The following GPATCH1 variants were observed in gnomAD, a reference collection of about 807,000 sequenced individuals.
The protein encoded by GPATCH1 is G patch domain-containing protein 1.
Under a neutral mutation model 114.9 loss-of-function variants are expected in GPATCH1, and 73 were observed. The ratio of observed to expected loss-of-function variants is 0.64; its 90% CI spans 0.53 to 0.77. The LOEUF is 0.77. Among genes scored for constraint, GPATCH1 ranks in the 30% least tolerant of loss-of-function variants. The probability of loss-of-function intolerance (pLI) is 0.00; values close to 1 mark genes in which losing one functional copy is unlikely to be tolerated. For missense variants in GPATCH1, 1,058 were observed against 1,144.3 expected (o/e 0.92, Z 1.09); for synonymous variants, 391 against 428.4 (o/e 0.91, Z 1.08).
chr19:33,120,091 TAAAA>T (rs1258015401), intron 17 of GPATCH1, among the ~76,000 whole-genome samples: 1 of 138,866 alleles, frequency 7.2e-6, no homozygotes, highest in Non-Finnish European at 1.5e-5. Flanking sequence ...TTTAAATATT[TAAAA>T]TAAATATATT....
rs1208539493 is a variant in GPATCH1 at position 33,096,354 on chromosome 19, CATTTTA to C, written c.763_768del (p.Phe255_Asn256del). On this transcript the variant is annotated inframe_deletion, in exon 7 of 20. Transcript: ENST00000170564. The stretch of plus-strand genomic sequence containing the variant: ...GGCACTGTTTGGAACTTCGGGAGAA[CATTTTA>C]ATCTTTTCAGTGGTGGTTCTGAGAG... 1.2e-6 allele frequency: 2 copies of C among 1,614,092 alleles called. No individual in the cohort carries two copies. Among genetic ancestry groups the C allele is most frequent in the South Asian group, 2.2e-5 (2 of 91,080 alleles).
Position 33,096,286 on chromosome 19 carries a change from A to G in GPATCH1, c.692A>G (p.Asp231Gly), listed in dbSNP as rs781327116. The G allele has an allele frequency of 3.7e-6, 6 of 1,614,134 alleles. No individual in the cohort carries two copies. The highest frequency in any genetic ancestry group is 1.1e-5 in the South Asian group (1 of 91,088). Residue 231 changes from aspartate to glycine, a missense_variant, in exon 7 of 20, where the codon GAT (aspartate) becomes GGT (glycine). By Grantham distance (94) the Asp-to-Gly change is moderately conservative. This residue lies in a region of GPATCH1 where 893 missense variants were observed against 977.4 expected (regional missense o/e 0.91). Transcript: ENST00000170564. ...DVTPVDFTPK[D>G]NVHGLAYKGL... is the part of the protein sequence containing the mutation. The stretch of plus-strand genomic sequence containing the variant: ...ACACCTGTGGATTTCACACCTAAAG[A>G]TAATGTGCATGGTCTAGCTTACAAG...
At position 33,126,718 on chromosome 19, in the gene GPATCH1, A is replaced by G; in HGVS notation, c.2750A>G (p.Gln917Arg). ...GAGGAAACCGCAGACGTGTCGCCCC[A>G]GGAGCTGCTGAGACGGTGGGTAGTG... ...SDEETADVSP[Q>R]ELLRRLKSLP... Residue 917 changes from glutamine (Q) to arginine (R), a missense_variant, in exon 19 of 20, where the codon CAG becomes CGG. Transcript: ENST00000170564. The G allele has an allele frequency of 6.2e-7, 1 of 1,612,794 alleles. No homozygotes were observed.
chr19:33,089,657 G>C (rs748330904), intron 2 of GPATCH1, among the ~76,000 whole-genome samples: 10 of 147,008 alleles, frequency 6.8e-5, no homozygotes, highest in Non-Finnish European at 1.0e-4. Flanking sequence ...GTCTCACTCT[G>C]TCGCCCAGGC....
intron 1 of GPATCH1, among the ~76,000 whole-genome samples, chr19:33,082,525 C>T (rs551310305): frequency 1.3e-5 from 2 of 152,254 alleles, no homozygotes; most frequent in South Asian, 4.1e-4. Flanking sequence ...GATACTGGCC[C>T]TTCTTCTACC....
At chr19:33,107,693 C>T (rs1212241320) in intron 10 of GPATCH1, among the ~76,000 whole-genome samples, 2 of 152,090 alleles carry the variant, frequency 1.3e-5, no homozygotes, top group African/African-American at 2.4e-5. Context: ...ATAGGTGTCT[C>T]GTATAATTGG....
At chr19:33,103,143 C>T (rs932910007) in intron 9 of GPATCH1, among the ~76,000 whole-genome samples, 1 of 152,206 alleles carries the variant, frequency 6.6e-6, no homozygotes, top group Non-Finnish European at 1.5e-5. Context: ...GTCAGCATTC[C>T]TGTTTTAGAT....
intron 11 of GPATCH1, 38 bp downstream of exon 11, chr19:33,110,054 G>A: frequency 6.5e-7 from 1 of 1,533,266 alleles, no homozygotes; most frequent in Non-Finnish European, 8.9e-7. Context: ...TCTCGGCCCG[G>A]GCGGGGTCAT....
chr19:33,118,465 C>T (rs1304599155), intron 16 of GPATCH1, among the ~76,000 whole-genome samples: 2 of 152,040 alleles, frequency 1.3e-5, no homozygotes, highest in African/African-American at 4.8e-5. Flanking sequence ...AGGCATAATC[C>T]CAGTGCCCGG....
intron 11 of GPATCH1, among the ~76,000 whole-genome samples, chr19:33,110,359 G>A (rs1284535579): frequency 1.3e-5 from 2 of 152,134 alleles, no homozygotes; most frequent in Non-Finnish European, 2.9e-5. Context: ...CACCTCATCC[G>A]AAGATCCTAA....
In GPATCH1 at chr19:33,119,066, A is replaced by T; in HGVS notation, c.2470A>T (p.Ile824Leu). ...PPSFPIQKMQ[I>L]DEREEFGPRL... ...TTCCTTCCCGATACAAAAGATGCAG[A>T]TAGATGAAAGAGAAGAGTTCGGCCC... Residue 824 changes from isoleucine to leucine, a missense_variant, in exon 17 of 20, where the codon ATA (isoleucine) becomes TTA (leucine). This residue lies in a region of GPATCH1 where 893 missense variants were observed against 977.4 expected (regional missense o/e 0.91). Coordinates refer to ENST00000170564, the MANE Select transcript of GPATCH1 (RefSeq NM_018025.3). 3 of 1,613,502 alleles carry T rather than the reference A, an allele frequency of 1.9e-6. No homozygotes were observed. The highest frequency in any genetic ancestry group is 2.5e-6 in the Non-Finnish European group (3 of 1,179,798).
intron 1 of GPATCH1, 98 bp from the exon 2 acceptor site, chr19:33,088,036 A>G (rs902327178): frequency 1.5e-6 from 1 of 646,772 alleles, no homozygotes; most frequent in Non-Finnish European, 2.5e-6. Flanking sequence ...TAAGAAGTAA[A>G]CAATTTATGA....
chr19:33,081,474 T>A (rs1444672209), intron 1 of GPATCH1, among the ~76,000 whole-genome samples: 1 of 151,890 alleles, frequency 6.6e-6, no homozygotes, highest in Non-Finnish European at 1.5e-5. Flanking sequence ...GACACAAGCG[T>A]GGCCGAACAA....
intron 3 of GPATCH1, 75 bp from the exon 4 acceptor site, chr19:33,093,284 C>A (rs1029846496): frequency 1.0e-5 from 9 of 894,068 alleles, no homozygotes; most frequent in South Asian, 2.3e-5. Context: ...TTTTTTTTAA[C>A]AGAAATAAAA....
At chr19:33,123,999 G>A (rs1233091855) in intron 17 of GPATCH1, among the ~76,000 whole-genome samples, 3 of 151,958 alleles carry the variant, frequency 2.0e-5, no homozygotes, top group Non-Finnish European at 4.4e-5. Context: ...GATTACAGAT[G>A]CATGCCACCA....
chr19:33,086,191 G>A (rs1972532273), intron 1 of GPATCH1, among the ~76,000 whole-genome samples: 1 of 44 alleles, frequency 0.023, no homozygotes, highest in Non-Finnish European at 0.062. Flanking sequence ...ATGATGCCAA[G>A]TGCATATATG....
chr19:33,098,868 C>T (rs942709814), intron 8 of GPATCH1, among the ~76,000 whole-genome samples: 2 of 151,078 alleles, frequency 1.3e-5, no homozygotes, highest in Non-Finnish European at 2.9e-5. Context: ...ACTTAACCTC[C>T]GGGTGGTCAG....
intron 18 of GPATCH1, among the ~76,000 whole-genome samples, chr19:33,125,673 G>A (rs917199210): frequency 2.0e-5 from 3 of 152,002 alleles, no homozygotes; most frequent in Non-Finnish European, 4.4e-5. Flanking sequence ...ACCATGCCCA[G>A]CCCTTAAAAA....
At chr19:33,096,137 A>G in intron 6 of GPATCH1, 70 bp from the exon 7 acceptor site, 1 of 1,497,236 alleles carries the variant, frequency 6.7e-7, no homozygotes, top group Non-Finnish European at 9.2e-7. Flanking sequence ...CTGCGTTTTC[A>G]ATTAGTATTT....
Sources: gnomAD v4.1 joint callset for allele counts (sites outside exome capture counted in the v4.1 genomes callset) on GRCh38, gnomAD v4.1.1 for gene constraint, gnomAD v4.1.1 regional missense constraint, MANE v1.5 for transcripts, NCBI Gene and HGNC (gene_info 2026-07-23, HGNC 2026-07-21) for gene names.